TMCO4: variants seen among roughly 807,000 people sequenced by gnomAD.
The protein encoded by TMCO4 is transmembrane and coiled-coil domain-containing protein 4.
In TMCO4, 58 loss-of-function variants were observed where a neutral mutation model predicts 64.7. The ratio of observed to expected loss-of-function variants is 0.90; its 90% CI spans 0.73 to 1.12. The LOEUF (loss-of-function observed/expected upper bound fraction) is 1.12, where lower values mean the gene tolerates loss of function less well. Ranked by LOEUF, TMCO4 falls within the 50% of genes most tolerant of loss-of-function variation. The pLI, the probability that TMCO4 is intolerant of heterozygous loss-of-function variation, is 0.00. For synonymous variants in TMCO4, 325 were observed against 346.1 expected, an observed-to-expected ratio of 0.94 and a Z score of 0.68; for missense variants, 780 against 825.9, an observed-to-expected ratio of 0.94 and a Z score of 0.68.
rs114133310 is a variant in TMCO4 at position 19,725,594 on chromosome 1, C to T, written c.1264+11778G>A. ...AGGCACCACCTCCCTGCCCTTGGCA[C>T]GCACTGGGGTCAGAAATACCCTTGG... On this transcript the variant is annotated intron_variant, in intron 13 of 15. Transcript: ENST00000294543. Among the ~76,000 whole-genome samples, 1,060 of 152,322 alleles carry T rather than the reference C, an allele frequency of 7.0e-3. 18 individuals are homozygous for T. The highest frequency in any genetic ancestry group is 0.024 in the African/African-American group (985 of 41,572).
intron 13 of TMCO4, among the ~76,000 whole-genome samples, chr1:19,703,483 T>C (rs1351544899): frequency 2.0e-5 from 3 of 150,638 alleles, no homozygotes; most frequent in Admixed American, 2.0e-4. Flanking sequence ...CCTTCCTTCC[T>C]TCCCTCCTTC....
intron 5 of TMCO4, 84 bp downstream of exon 5, chr1:19,771,224 C>T (rs574053149): frequency 1.0e-4 from 154 of 1,489,884 alleles, no homozygotes; most frequent in Admixed American, 4.0e-4. Flanking sequence ...CTCCACCCCA[C>T]TAGAAGTGAT....
chr1:19,754,002 T>C (rs1229920572), intron 7 of TMCO4, among the ~76,000 whole-genome samples: 1 of 152,164 alleles, frequency 6.6e-6, no homozygotes, highest in Admixed American at 6.5e-5. Flanking sequence ...ACACTTCACA[T>C]ATATATGAAC....
intron 4 of TMCO4, among the ~76,000 whole-genome samples, chr1:19,779,328 C>T (rs1295020728): frequency 6.6e-6 from 1 of 152,206 alleles, no homozygotes; most frequent in African/African-American, 2.4e-5. Context: ...AAGTCAACTC[C>T]ATTCTCCCTG....
At chr1:19,700,709 G>A in intron 14 of TMCO4, 59 bp downstream of exon 14, 3 of 1,386,824 alleles carry the variant, frequency 2.2e-6, no homozygotes, top group Non-Finnish European at 3.1e-6. Context: ...CAGAGCCTGG[G>A]CATACTAAGT....
At chr1:19,772,115 G>A (rs150341741) in intron 4 of TMCO4, among the ~76,000 whole-genome samples, 2 of 152,332 alleles carry the variant, frequency 1.3e-5, no homozygotes, top group African/African-American at 2.4e-5. Context: ...GGTATCTGAG[G>A]AAGCTCACAG....
intron 6 of TMCO4, among the ~76,000 whole-genome samples, chr1:19,768,832 ACT>A (rs58614793): frequency 0.12 from 18,430 of 151,990 alleles, 1,208 homozygotes; most frequent in Non-Finnish European, 0.13. Flanking sequence ...GGGGGCTGAG[ACT>A]CTGTATTTCT....
Position 19,682,872 on chromosome 1 carries a change from C to T in TMCO4, c.*168G>A. On this transcript the variant is annotated 3_prime_UTR_variant, in exon 16 of 16. Coordinates refer to ENST00000294543, the MANE Select transcript of TMCO4 (RefSeq NM_181719.7). ...CCAAGGGTGGGCGTGTTCTCTCCTC[C>T]AAATTCCCCTTCCTTCCATTTCCTT... is the stretch of plus-strand genomic sequence containing the variant. 1 of 1,053,380 alleles carries T rather than the reference C, an allele frequency of 9.5e-7. No homozygotes were observed. The highest frequency in any genetic ancestry group is 1.5e-5 in the South Asian group (1 of 64,684). 65.3% of individuals were successfully genotyped at this position (1,053,380 alleles called of 1,614,324 possible).
At chr1:19,766,403 G>A (rs2042737919) in intron 6 of TMCO4, among the ~76,000 whole-genome samples, 1 of 152,158 alleles carries the variant, frequency 6.6e-6, no homozygotes, top group Non-Finnish European at 1.5e-5. Context: ...TAAAAATAGT[G>A]TTTTTATGGA....
At chr1:19,693,159 C>T (rs1164470386) in intron 15 of TMCO4, among the ~76,000 whole-genome samples, 6 of 70,660 alleles carry the variant, frequency 8.5e-5, no homozygotes, top group African/African-American at 1.1e-4. Context: ...AGCGAGACCC[C>T]ATCTCAAAAA....
At chr1:19,794,499 CAA>C (rs1242288707) in intron 2 of TMCO4, among the ~76,000 whole-genome samples, 1 of 152,160 alleles carries the variant, frequency 6.6e-6, no homozygotes, top group East Asian at 1.9e-4. Flanking sequence ...GCAGAAATGG[CAA>C]AGTTTGTAAT....
chr1:19,687,790 T>G (rs1188042291), intron 15 of TMCO4, among the ~76,000 whole-genome samples: 1 of 152,204 alleles, frequency 6.6e-6, no homozygotes, highest in Non-Finnish European at 1.5e-5. Flanking sequence ...ACCCACTGGC[T>G]GCAGCTGATA....
Position 19,743,503 on chromosome 1 carries a change from T to C in TMCO4, c.877+2029A>G, listed in dbSNP as rs1164575379. On this transcript the variant is annotated intron_variant, in intron 10 of 15. Transcript: ENST00000294543. The surrounding 1 kb of genome is among the most constrained non-coding windows in gnomAD (Gnocchi z 4.1). Reference sequence around the variant, plus strand: ...CCTTCTGAAACTTTCTCTAGCTTGGTTGTATTTCTTTTACCCAGCCCTTTC... The same window carrying C: ...CCTTCTGAAACTTTCTCTAGCTTGGCTGTATTTCTTTTACCCAGCCCTTTC... 6.6e-6 allele frequency among the ~76,000 whole-genome samples: 1 copy of C among 152,112 alleles called. No homozygotes were observed. The highest frequency in any genetic ancestry group is 1.9e-4 in the East Asian group (1 of 5,198).
intron 2 of TMCO4, among the ~76,000 whole-genome samples, chr1:19,788,946 G>C (rs143479894): frequency 6.6e-6 from 1 of 151,900 alleles, no homozygotes; most frequent in Non-Finnish European, 1.5e-5. Flanking sequence ...GTGCTGGCAC[G>C]CGCCTGTAGT....
chr1:19,726,942 C>T (rs1344162195), intron 13 of TMCO4, among the ~76,000 whole-genome samples: 1 of 152,246 alleles, frequency 6.6e-6, no homozygotes, highest in African/African-American at 2.4e-5. Context: ...CCTTCCCCCT[C>T]CTGTGGGGTG....
chr1:19,685,706 G>GTTTCT (rs1557442889), intron 15 of TMCO4, among the ~76,000 whole-genome samples: 5 of 49,838 alleles, frequency 1.0e-4, no homozygotes, highest in Non-Finnish European at 1.6e-4. Flanking sequence ...ATCCAGGCCT[G>GTTTCT]TTTCTTTTTT....
At chr1:19,747,083 C>A in intron 8 of TMCO4, 80 bp downstream of exon 8, 2 of 1,465,232 alleles carry the variant, frequency 1.4e-6, no homozygotes, top group Non-Finnish European at 1.9e-6. Context: ...CCCCTGCACT[C>A]TCCACTCTCA....
At chr1:19,731,273 A>G (rs1403721860) in intron 13 of TMCO4, among the ~76,000 whole-genome samples, 2 of 152,188 alleles carry the variant, frequency 1.3e-5, no homozygotes, top group Admixed American at 1.3e-4. Context: ...GCCATCCATC[A>G]GGGAGGGATT....
Position 19,740,880 on chromosome 1 carries a change from C to T in TMCO4, c.939G>A (p.Trp313Ter). Residue 313 changes from tryptophan to a stop codon, truncating the protein, a stop_gained, in exon 11 of 16, where the codon TGG (tryptophan) becomes TGA (stop). Coordinates refer to ENST00000294543, the MANE Select transcript of TMCO4 (RefSeq NM_181719.7). LOFTEE classifies it high-confidence loss of function. ...AHSREQYCLA[W>*]EAKYLMELGN... ...CGAGCTCCATCAGGTACTTGGCTTC[C>T]CAGGCCAGGCAGTACTGCTCACGGC... The T allele has an allele frequency of 1.2e-6, 2 of 1,614,122 alleles. No homozygotes were observed. The highest frequency in any genetic ancestry group is 1.7e-6 in the Non-Finnish European group (2 of 1,180,004).
Sources: gnomAD v4.1 joint callset for allele counts (sites outside exome capture counted in the v4.1 genomes callset) on GRCh38, gnomAD v4.1.1 for gene constraint, Gnocchi (gnomAD v3.1) non-coding constraint, MANE v1.5 for transcripts, NCBI Gene and HGNC (gene_info 2026-07-23, HGNC 2026-07-21) for gene names.